CHSY3: variants seen among roughly 807,000 people sequenced by gnomAD.
CHSY3 encodes N-acetylgalactosaminyl-proteoglycan 3-beta-glucuronosyltransferase 3.
Under a neutral mutation model 67.2 loss-of-function variants are expected in CHSY3, and 35 were observed. The ratio of observed to expected loss-of-function variants is 0.52; its 90% CI spans 0.40 to 0.69. The LOEUF (loss-of-function observed/expected upper bound fraction) is 0.69, where lower values mean the gene tolerates loss of function less well. CHSY3 is among the 30% of genes least tolerant of loss of function. The pLI is 0.00. For missense variants in CHSY3, 1,069 were observed against 1,138.5 expected (o/e 0.94, Z 0.88); for synonymous variants, 474 against 434.7 (o/e 1.09, Z -1.12).
chr5:129,985,848 A>T (rs1763184380), intron 2 of CHSY3, among the ~76,000 whole-genome samples: 1 of 151,984 alleles, frequency 6.6e-6, no homozygotes. Flanking sequence ...TATAGAAATG[A>T]TACTGATTTT....
chr5:130,173,361 C>A (rs527265455), intron 2 of CHSY3, among the ~76,000 whole-genome samples: 2 of 152,176 alleles, frequency 1.3e-5, no homozygotes, highest in East Asian at 3.9e-4. Flanking sequence ...CCCAGAGATT[C>A]CATGTGTCCT....
At chr5:130,178,198 TA>T (rs1770114876) in intron 2 of CHSY3, among the ~76,000 whole-genome samples, 1 of 111,430 alleles carries the variant, frequency 9.0e-6, no homozygotes, top group Non-Finnish European at 1.9e-5. Flanking sequence ...TATATATATA[TA>T]TTTATATATA....
At chr5:130,057,900 CAGAGAGAGAG>C (rs141613378) in intron 2 of CHSY3, among the ~76,000 whole-genome samples, 1 of 149,122 alleles carries the variant, frequency 6.7e-6, no homozygotes, top group Non-Finnish European at 1.5e-5. Flanking sequence ...TACATGCACA[CAGAGAGAGAG>C]AGAGAGAGAG....
chr5:130,159,548 A>G (rs1290724012), intron 2 of CHSY3, among the ~76,000 whole-genome samples: 1 of 152,178 alleles, frequency 6.6e-6, no homozygotes, highest in Non-Finnish European at 1.5e-5. Context: ...CTTTTCTTTT[A>G]CTTATTGTGC....
intron 2 of CHSY3, among the ~76,000 whole-genome samples, chr5:130,118,571 A>G (rs144512480): frequency 6.6e-6 from 1 of 152,040 alleles, no homozygotes; most frequent in African/African-American, 2.4e-5. Context: ...ATTCTCATTA[A>G]CCTTAGGCTA....
At chr5:129,905,907 CT>C in intron 1 of CHSY3, 1 of 639,220 alleles carries the variant, frequency 1.6e-6, no homozygotes, top group Non-Finnish European at 2.5e-6. Context: ...GTCCCTTAGT[CT>C]TTACCTCGTC....
chr5:130,060,979 A>G (rs1216688109), intron 2 of CHSY3, among the ~76,000 whole-genome samples: 3 of 152,100 alleles, frequency 2.0e-5, no homozygotes, highest in African/African-American at 4.8e-5. Context: ...CGTCAAAATG[A>G]CCGTACTGCC....
chr5:129,945,065 A>G (rs1013528667), intron 2 of CHSY3, among the ~76,000 whole-genome samples: 1 of 152,228 alleles, frequency 6.6e-6, no homozygotes, highest in African/African-American at 2.4e-5. Context: ...ATCTATGCAA[A>G]TTAACTGGAT....
chr5:129,956,738 G>GT (rs1163823513), intron 2 of CHSY3, among the ~76,000 whole-genome samples: 15 of 150,258 alleles, frequency 1.0e-4, no homozygotes, highest in Admixed American at 4.7e-4. Flanking sequence ...TCGTTGCTTG[G>GT]TTTTTTTTTC....
At chr5:130,031,033 G>C (rs1352076205) in intron 2 of CHSY3, among the ~76,000 whole-genome samples, 1 of 151,912 alleles carries the variant, frequency 6.6e-6, no homozygotes, top group Admixed American at 6.6e-5. Flanking sequence ...ATTACTTATG[G>C]AGTATAAGAA....
intron 2 of CHSY3, among the ~76,000 whole-genome samples, chr5:129,939,263 C>T (rs1414126553): frequency 6.6e-6 from 1 of 152,146 alleles, no homozygotes; most frequent in African/African-American, 2.4e-5. Flanking sequence ...TCAGTCACCT[C>T]CTACCAGGCC....
intron 2 of CHSY3, among the ~76,000 whole-genome samples, chr5:130,088,975 A>C (rs1457828888): frequency 1.3e-5 from 2 of 152,078 alleles, no homozygotes. Flanking sequence ...ACCAAGCCAA[A>C]TGTCCAACAA....
At chr5:130,027,869 C>G in intron 2 of CHSY3, among the ~76,000 whole-genome samples, 1 of 152,112 alleles carries the variant, frequency 6.6e-6, no homozygotes, top group Admixed American at 6.6e-5. Context: ...TCCAGTCTAT[C>G]ATTGATGGAC....
At chr5:130,033,436 G>A (rs1253159856) in intron 2 of CHSY3, among the ~76,000 whole-genome samples, 1 of 152,052 alleles carries the variant, frequency 6.6e-6, no homozygotes, top group African/African-American at 2.4e-5. Flanking sequence ...GATACTGTTG[G>A]GGTCCCCTGA....
chr5:129,913,080 TGGCAGTTTGGGA>T (rs953927810), intron 2 of CHSY3, among the ~76,000 whole-genome samples: 1 of 152,250 alleles, frequency 6.6e-6, no homozygotes, highest in Non-Finnish European at 1.5e-5. Context: ...AGCTGCAATC[TGGCAGTTTGGGA>T]GGCTGCATAT....
At chr5:130,015,204 A>G (rs1764184118) in intron 2 of CHSY3, among the ~76,000 whole-genome samples, 1 of 152,052 alleles carries the variant, frequency 6.6e-6, no homozygotes, top group East Asian at 1.9e-4. Context: ...TCATATAAAG[A>G]TATGCTGGCT....
At chr5:130,083,762 G>T (rs1267817175) in intron 2 of CHSY3, among the ~76,000 whole-genome samples, 3 of 151,948 alleles carry the variant, frequency 2.0e-5, no homozygotes, top group African/African-American at 7.2e-5. Context: ...CATTTTCATG[G>T]TAATTCAGGG....
intron 2 of CHSY3, among the ~76,000 whole-genome samples, chr5:130,114,782 T>C (rs1767728702): frequency 6.6e-6 from 1 of 152,180 alleles, no homozygotes; most frequent in Non-Finnish European, 1.5e-5. Flanking sequence ...CCTTCCAAGC[T>C]GTCAGTTTAG....
At chr5:129,975,035 A>G (rs1189320620) in intron 2 of CHSY3, 1 of 152,004 alleles carries the variant, frequency 6.6e-6, no homozygotes, top group Non-Finnish European at 1.5e-5. Context: ...ATGAGAACAC[A>G]TGGACACAGG....
Sources: allele counts gnomAD v4.1 joint callset (sites outside exome capture counted in the v4.1 genomes callset), GRCh38; gene constraint gnomAD v4.1.1; transcripts MANE v1.5; gene names NCBI Gene and HGNC (gene_info 2026-07-23, HGNC 2026-07-21).